The following JARID2 variants were observed in gnomAD, a reference collection of about 807,000 sequenced individuals.
JARID2 encodes jumonji and AT-rich interaction domain containing 2, also known as protein Jumonji.
JARID2 carries 21 observed loss-of-function variants against 125.6 expected under a neutral mutation model. That is an observed-to-expected ratio of 0.17 (90% confidence interval 0.12 to 0.24). The LOEUF (loss-of-function observed/expected upper bound fraction) is 0.24, where lower values mean the gene tolerates loss of function less well. Ranked by LOEUF, JARID2 falls within the 10% of genes least tolerant of loss-of-function variation. The probability of loss-of-function intolerance (pLI) is 1.00; values close to 1 mark genes in which losing one functional copy is unlikely to be tolerated. For synonymous variants in JARID2, 736 were observed against 661.6 expected, an observed-to-expected ratio of 1.11 and a Z score of -1.73; for missense variants, 1,303 against 1,639.6, an observed-to-expected ratio of 0.79 and a Z score of 3.55.
At chr6:15,363,944 T>G (rs1338731398) in intron 1 of JARID2, among the ~76,000 whole-genome samples, 1 of 152,164 alleles carries the variant, frequency 6.6e-6, no homozygotes, top group African/African-American at 2.4e-5. Context: ...AGGCAATATG[T>G]CAGTTTATGT....
intron 16 of JARID2, among the ~76,000 whole-genome samples, chr6:15,515,042 CTGTTCTT>C (rs1421948653): frequency 1.1e-5 from 1 of 91,034 alleles, no homozygotes; most frequent in Non-Finnish European, 2.9e-5. Flanking sequence ...TGCTCTCTCT[CTGTTCTT>C]TTTTTTTTTT....
At chr6:15,265,314 G>C (rs1760039438) in intron 1 of JARID2, among the ~76,000 whole-genome samples, 2 of 151,386 alleles carry the variant, frequency 1.3e-5, no homozygotes, top group South Asian at 4.2e-4. Flanking sequence ...AAGTGGGGGT[G>C]CTTGCTGAGT....
intron 1 of JARID2, among the ~76,000 whole-genome samples, chr6:15,297,384 A>G (rs1049986689): frequency 2.0e-5 from 3 of 151,502 alleles, no homozygotes; most frequent in African/African-American, 7.3e-5. Flanking sequence ...TCCTGACCTC[A>G]TGATCTACCC....
At chr6:15,394,396 C>G (rs909816920) in intron 2 of JARID2, among the ~76,000 whole-genome samples, 2 of 152,072 alleles carry the variant, frequency 1.3e-5, no homozygotes, top group Non-Finnish European at 2.9e-5. Flanking sequence ...TCGGGAGGAT[C>G]GCTTCAGGCC....
At chr6:15,339,695 C>A (rs1275355650) in intron 1 of JARID2, among the ~76,000 whole-genome samples, 1 of 152,012 alleles carries the variant, frequency 6.6e-6, no homozygotes, top group Non-Finnish European at 1.5e-5. Context: ...GCCTCCACAC[C>A]CAGCTAATTT....
intron 6 of JARID2, among the ~76,000 whole-genome samples, chr6:15,492,422 C>G (rs918691663): frequency 2.6e-4 from 40 of 152,300 alleles, no homozygotes; most frequent in East Asian, 9.6e-4. Flanking sequence ...ATAACTGGGG[C>G]TGTGTGGTTT....
At chr6:15,439,486 G>A (rs1423726462) in intron 3 of JARID2, among the ~76,000 whole-genome samples, 3 of 152,208 alleles carry the variant, frequency 2.0e-5, no homozygotes, top group African/African-American at 7.2e-5. Context: ...ATATGTGGCT[G>A]CAGCCTTCTT....
chr6:15,451,848 G>A (rs530845495), intron 3 of JARID2, among the ~76,000 whole-genome samples, 158 bp from the exon 4 acceptor site: 4 of 152,164 alleles, frequency 2.6e-5, no homozygotes, highest in Non-Finnish European at 5.9e-5. Context: ...TAGGCCTGTG[G>A]TTTATGAGAG....
chr6:15,338,450 A>G (rs1231063243), intron 1 of JARID2, among the ~76,000 whole-genome samples: 2 of 152,252 alleles, frequency 1.3e-5, no homozygotes, highest in African/African-American at 2.4e-5. Context: ...GAAAGAAACC[A>G]TTTATTTTGA....
At chr6:15,423,006 A>G (rs546733703) in intron 3 of JARID2, among the ~76,000 whole-genome samples, 2,723 of 76,492 alleles carry the variant, frequency 0.036, 36 homozygotes, top group Middle Eastern at 0.069. Context: ...TTTTTTTTTT[A>G]AACATTTATT....
chr6:15,374,371 C>T, intron 2 of JARID2, 119 bp downstream of exon 2: 1 of 1,034,454 alleles, frequency 9.7e-7, no homozygotes, highest in Non-Finnish European at 1.4e-6. Flanking sequence ...TAAAGGCAGT[C>T]TGTAGGCTAG....
intron 1 of JARID2, among the ~76,000 whole-genome samples, chr6:15,292,371 A>G (rs1299641943): frequency 1.3e-5 from 2 of 152,098 alleles, no homozygotes; most frequent in Non-Finnish European, 2.9e-5. Context: ...TAGCAATTTT[A>G]ACAGGTATGT....
intron 1 of JARID2, among the ~76,000 whole-genome samples, chr6:15,356,413 CTGTTTTTCTTTT>C (rs370508191): frequency 1.3e-3 from 200 of 152,244 alleles, no homozygotes; most frequent in African/African-American, 4.5e-3. Flanking sequence ...CCAACGTCTG[CTGTTTTTCTTTT>C]TGTTTTTATT....
At chr6:15,499,589 C>T (rs1167520223) in intron 7 of JARID2, among the ~76,000 whole-genome samples, 2 of 152,098 alleles carry the variant, frequency 1.3e-5, no homozygotes, top group East Asian at 3.9e-4. Flanking sequence ...TGAGACAGTA[C>T]CCACCTGCCC....
intron 4 of JARID2, among the ~76,000 whole-genome samples, chr6:15,458,705 G>A (rs1581593210): frequency 1.3e-5 from 2 of 152,324 alleles, no homozygotes; most frequent in Admixed American, 1.3e-4. Context: ...AAAGCAGGAA[G>A]GGAGAGGCCC....
intron 4 of JARID2, among the ~76,000 whole-genome samples, chr6:15,454,367 A>G (rs1490404533): frequency 6.6e-6 from 1 of 152,178 alleles, no homozygotes; most frequent in Non-Finnish European, 1.5e-5. Context: ...TTATTAATGT[A>G]TTTGTTAGAA....
intron 1 of JARID2, chr6:15,315,174 G>T (rs952403122): frequency 6.6e-6 from 1 of 152,204 alleles, no homozygotes; most frequent in East Asian, 1.9e-4. Context: ...AAAAGGAAAC[G>T]GAAGAGCAAC....
intron 1 of JARID2, among the ~76,000 whole-genome samples, chr6:15,362,961 A>G (rs1297174015): frequency 6.6e-6 from 1 of 152,184 alleles, no homozygotes; most frequent in Non-Finnish European, 1.5e-5. Context: ...GTAGCCAGGA[A>G]GGTGGTGTGG....
At chr6:15,481,592 T>C (rs887332345) in intron 5 of JARID2, among the ~76,000 whole-genome samples, 5 of 152,148 alleles carry the variant, frequency 3.3e-5, no homozygotes, top group African/African-American at 1.2e-4. Context: ...GTACAAAATA[T>C]ACCTTGTCTT....
Sources: allele counts gnomAD v4.1 joint callset (sites outside exome capture counted in the v4.1 genomes callset), GRCh38; gene constraint gnomAD v4.1.1; transcripts MANE v1.5; gene names NCBI Gene and HGNC (gene_info 2026-07-23, HGNC 2026-07-21).